The following PSD2 variants were observed in gnomAD, a reference collection of about 807,000 sequenced individuals.
The protein encoded by PSD2 is PH and SEC7 domain-containing protein 2.
In PSD2, 38 loss-of-function variants were observed where a neutral mutation model predicts 69.8. That is an observed-to-expected ratio of 0.54 (90% CI 0.42 to 0.71). The LOEUF (loss-of-function observed/expected upper bound fraction) is 0.71. PSD2 is among the 30% of genes least tolerant of loss of function. The pLI, the probability that PSD2 is intolerant of heterozygous loss-of-function variation, is 0.00. For synonymous variants in PSD2, 412 were observed against 423.0 expected, an observed-to-expected ratio of 0.97 and a Z score of 0.32; for missense variants, 943 against 1,014.5, an observed-to-expected ratio of 0.93 and a Z score of 0.96.
rs1760934208 is a variant in PSD2 at position 139,843,806 on chromosome 5, G to A, written c.*1332G>A. 1.3e-5 allele frequency: 2 copies of A among 152,224 alleles called. No homozygotes were observed. Among genetic ancestry groups the A allele is most frequent in the Non-Finnish European group, 2.9e-5 (2 of 68,042 alleles). 9.4% of individuals were successfully genotyped at this position (152,224 alleles called of 1,614,324 possible). A position where few individuals can be genotyped will look rare whatever the true frequency, so the allele number is the denominator to read the frequency against. On this transcript the variant is annotated 3_prime_UTR_variant, in exon 15 of 15. Coordinates refer to ENST00000274710, the MANE Select transcript of PSD2 (RefSeq NM_032289.4). ...GCATTTCTCCAACTGACAAGTGGGT[G>A]GGGGTGATGGCACATTCAGTGTGGC...
intron 7 of PSD2, among the ~76,000 whole-genome samples, chr5:139,832,935 G>T (rs946838573): frequency 1.3e-5 from 2 of 152,064 alleles, no homozygotes; most frequent in African/African-American, 4.8e-5. Flanking sequence ...CCAGCTCTTT[G>T]CCTGTTTCTA....
At chr5:139,756,066 AC>A in the PSD2 span, among the ~76,000 whole-genome samples, 1 of 151,674 alleles carries the variant, frequency 6.6e-6, no homozygotes, top group East Asian at 1.9e-4. Flanking sequence ...CGCAGCCCCC[AC>A]CCCCAGTCAC....
intron 1 of PSD2, among the ~76,000 whole-genome samples, chr5:139,799,685 C>G (rs1257209272): frequency 6.6e-6 from 1 of 151,978 alleles, no homozygotes; most frequent in Non-Finnish European, 1.5e-5. Flanking sequence ...CAGCACAAGA[C>G]AGGGGGGACA....
intron 7 of PSD2, among the ~76,000 whole-genome samples, chr5:139,831,337 G>A (rs941139678): frequency 6.6e-6 from 1 of 151,974 alleles, no homozygotes; most frequent in African/African-American, 2.4e-5. Flanking sequence ...CATATATCTT[G>A]TATCATATAC....
intron 7 of PSD2, among the ~76,000 whole-genome samples, chr5:139,828,416 C>T (rs972248064): frequency 1.3e-5 from 2 of 152,068 alleles, no homozygotes; most frequent in African/African-American, 4.8e-5. Flanking sequence ...GAGTTTCTGG[C>T]GAAGCGCATT....
chr5:139,821,891 A>G lies in PSD2; in HGVS notation c.1098-2A>G. ...CCTCAGCAGCTTTGAATTGCCTTCC[A>G]GAACATTCTTGAAGGCCTTCCCGCT... On this transcript the variant is annotated splice_acceptor_variant, in intron 5 of 14. Coordinates refer to ENST00000274710, the MANE Select transcript of PSD2 (RefSeq NM_032289.4). LOFTEE classifies it high-confidence loss of function. 6.3e-7 allele frequency: 1 copy of G among 1,598,320 alleles called. No individual in the cohort carries two copies. The highest frequency in any genetic ancestry group is 8.5e-7 in the Non-Finnish European group (1 of 1,169,636).
At chr5:139,809,888 G>A (rs1759917116) in intron 2 of PSD2, 77 bp downstream of exon 2, 1 of 1,468,064 alleles carries the variant, frequency 6.8e-7, no homozygotes, top group Non-Finnish European at 9.3e-7. Flanking sequence ...TAGCCACTTA[G>A]TTTCTCCGGT....
the PSD2 span, among the ~76,000 whole-genome samples, chr5:139,758,182 G>A: frequency 9.2e-5 from 14 of 152,148 alleles, no homozygotes; most frequent in Admixed American, 2.6e-4. Flanking sequence ...GGGAGAGGCC[G>A]GTGGAGCGTG....
rs1335719434 is a variant in PSD2, at chr5:139,830,572, T to TTC, written c.1270-3128_1270-3127dup. Reference sequence around the variant, plus strand: ...TTCCTTCCTTCCTTCCTTCCTTTCTTTCTTTCTTTCTTTCTTTCTTTTTCT... The same window carrying TTC: ...TTCCTTCCTTCCTTCCTTCCTTTCTTTCTCTTTCTTTCTTTCTTTCTTTTTCT... On this transcript the variant is annotated intron_variant, in intron 7 of 14. Coordinates refer to ENST00000274710, the MANE Select transcript of PSD2 (RefSeq NM_032289.4). 2.3e-5 allele frequency among the ~76,000 whole-genome samples: 3 copies of TTC among 132,598 alleles called. No individual in the cohort carries two copies. In the South Asian group the frequency reaches 7.0e-4, roughly 31 times the overall value. The allele number at this position is 132,598 out of a possible 152,430, so 87.0% of individuals were successfully genotyped here.
At chr5:139,804,497 A>G (rs1386238119) in intron 1 of PSD2, among the ~76,000 whole-genome samples, 1 of 152,206 alleles carries the variant, frequency 6.6e-6, no homozygotes, top group African/African-American at 2.4e-5. Flanking sequence ...CAAGTGCACA[A>G]AGAGGTCCAG....
chr5:139,817,511 G>A lies in PSD2; in HGVS notation c.1047G>A (p.Glu349=), dbSNP rs1429936413. Residue 349 remains glutamate, a synonymous_variant, in exon 5 of 15, where the codon GAG becomes GAA. Coordinates refer to ENST00000274710, the MANE Select transcript of PSD2 (RefSeq NM_032289.4). The part of the protein sequence containing the change: ...NNEFSRLVAG[E]YLSFFDFSGL... ...AGTTTAGCAGGCTGGTGGCCGGGGA[G>A]TACCTCAGTTTCTTCGACTTCTCGG... 2 of 1,614,036 alleles carry A rather than the reference G, an allele frequency of 1.2e-6. No homozygotes were observed. Among genetic ancestry groups the A allele is most frequent in the African/African-American group, 2.7e-5 (2 of 74,902 alleles).
At chr5:139,779,873 G>A in the PSD2 span, among the ~76,000 whole-genome samples, 1 of 152,134 alleles carries the variant, frequency 6.6e-6, no homozygotes, top group African/African-American at 2.4e-5. Flanking sequence ...CCTTTTTATT[G>A]TTGAGTAGGA....
intron 7 of PSD2, among the ~76,000 whole-genome samples, chr5:139,830,521 T>TCTTCCTTCCCTCCTTC (rs1760548214): frequency 1.0e-5 from 1 of 96,980 alleles, no homozygotes. Context: ...CAGCTAATTT[T>TCTTCCTTCCCTCCTTC]CTTCCTTCCT....
chr5:139,745,444 C>T, the PSD2 span, among the ~76,000 whole-genome samples: 1 of 152,240 alleles, frequency 6.6e-6, no homozygotes, highest in Non-Finnish European at 1.5e-5. Flanking sequence ...GCTGAGTCGC[C>T]TGGGGAGGAG....
chr5:139,824,532 G>A (rs552784996), intron 7 of PSD2, among the ~76,000 whole-genome samples: 83 of 151,988 alleles, frequency 5.5e-4, no homozygotes, highest in African/African-American at 1.9e-3. Context: ...GAGTAGCTGG[G>A]ACTACAGGCA....
chr5:139,793,143 G>T (rs1417141904), upstream of PSD2, among the ~76,000 whole-genome samples: 1 of 152,010 alleles, frequency 6.6e-6, no homozygotes, highest in Non-Finnish European at 1.5e-5. Flanking sequence ...GGGTTTCACT[G>T]TGTTGGCCAG....
intron 9 of PSD2, 73 bp from the exon 10 acceptor site, chr5:139,836,738 G>C: frequency 7.3e-7 from 1 of 1,372,134 alleles, no homozygotes. Flanking sequence ...AGAGGAGGCT[G>C]GTGGGGAAAG....
chr5:139,804,868 CGT>C (rs1261442410), intron 1 of PSD2, among the ~76,000 whole-genome samples: 1 of 151,508 alleles, frequency 6.6e-6, no homozygotes, highest in Non-Finnish European at 1.5e-5. Flanking sequence ...TGTGTGTGTG[CGT>C]GTGTGTGTGT....
At chr5:139,760,066 T>C in the PSD2 span, among the ~76,000 whole-genome samples, 8 of 152,346 alleles carry the variant, frequency 5.3e-5, no homozygotes, top group African/African-American at 1.7e-4. Context: ...AATGCCTCAC[T>C]TCTGCTCTAC....
Sources: gnomAD v4.1 joint callset for allele counts (sites outside exome capture counted in the v4.1 genomes callset) on GRCh38, gnomAD v4.1.1 for gene constraint, MANE v1.5 for transcripts, NCBI Gene and HGNC (gene_info 2026-07-23, HGNC 2026-07-21) for gene names.